Variants in CCDC85A observed in about 807,000 individuals in gnomAD.
The protein encoded by CCDC85A is coiled-coil domain-containing protein 85A.
A neutral mutation model predicts 50.2 loss-of-function variants in CCDC85A; 38 were observed. That is an observed-to-expected ratio of 0.76 (90% CI 0.58 to 0.99). CCDC85A has a LOEUF of 0.99. CCDC85A is among the 50% of genes least tolerant of loss of function. CCDC85A has a pLI of 0.00. For synonymous variants in CCDC85A, 366 were observed against 301.4 expected (o/e 1.21, Z -2.22); for missense variants, 820 against 742.0 (o/e 1.11, Z -1.22).
intron 2 of CCDC85A, among the ~76,000 whole-genome samples, chr2:56,327,802 A>G (rs979353429): frequency 8.3e-5 from 12 of 145,192 alleles, no homozygotes; most frequent in African/African-American, 3.1e-4. Flanking sequence ...AGAAATATTC[A>G]GTAATTACTG....
intron 2 of CCDC85A, among the ~76,000 whole-genome samples, chr2:56,301,977 C>T (rs770889960): frequency 2.0e-5 from 3 of 152,128 alleles, no homozygotes; most frequent in Non-Finnish European, 4.4e-5. Context: ...ATAAATAGGC[C>T]GGGCGTAGTG....
intron 2 of CCDC85A, among the ~76,000 whole-genome samples, chr2:56,209,186 TG>T (rs1240560488): frequency 3.3e-5 from 5 of 152,136 alleles, no homozygotes; most frequent in African/African-American, 1.2e-4. Flanking sequence ...CTAGTACAGA[TG>T]GCTATGGTAC....
At chr2:56,364,347 A>G (rs963363871) in intron 3 of CCDC85A, among the ~76,000 whole-genome samples, 1 of 152,128 alleles carries the variant, frequency 6.6e-6, no homozygotes, top group Non-Finnish European at 1.5e-5. Context: ...TTTTCTGGGA[A>G]CTATATTTCT....
intron 2 of CCDC85A, among the ~76,000 whole-genome samples, chr2:56,295,404 G>A (rs1483167884): frequency 1.3e-5 from 2 of 152,148 alleles, no homozygotes; most frequent in Non-Finnish European, 2.9e-5. Flanking sequence ...TCACAAATGG[G>A]CAGATTTTGC....
intron 2 of CCDC85A, among the ~76,000 whole-genome samples, chr2:56,307,848 G>T (rs1206735286): frequency 1.3e-5 from 2 of 152,206 alleles, no homozygotes; most frequent in African/African-American, 4.8e-5. Flanking sequence ...GTAACTCATA[G>T]ATAGGACTGA....
chr2:56,219,162 G>A (rs903493249), intron 2 of CCDC85A, among the ~76,000 whole-genome samples: 1 of 148,380 alleles, frequency 6.7e-6, no homozygotes, highest in Non-Finnish European at 1.5e-5. Context: ...TTTCCTGGGC[G>A]CCTTAAGCCC....
intron 2 of CCDC85A, among the ~76,000 whole-genome samples, chr2:56,298,502 G>A (rs1439998797): frequency 6.6e-6 from 1 of 152,130 alleles, no homozygotes; most frequent in East Asian, 1.9e-4. Flanking sequence ...TTCTGTTTCA[G>A]GGCTCAGCTA....
At chr2:56,344,543 C>G (rs1447857269) in intron 3 of CCDC85A, among the ~76,000 whole-genome samples, 5 of 152,210 alleles carry the variant, frequency 3.3e-5, no homozygotes, top group South Asian at 2.1e-4. Flanking sequence ...GTACTTCTAT[C>G]TCTTCTCAAA....
chr2:56,265,635 A>G (rs1670406887), intron 2 of CCDC85A, among the ~76,000 whole-genome samples: 1 of 152,168 alleles, frequency 6.6e-6, no homozygotes, highest in Admixed American at 6.5e-5. Flanking sequence ...TATCGAAAAG[A>G]TGAAAAATAA....
chr2:56,384,351 T>A lies in CCDC85A; in HGVS notation c.1658T>A (p.Met553Lys). 15 of 1,610,504 alleles carry A rather than the reference T, an allele frequency of 9.3e-6. No individual in the cohort carries two copies. Among genetic ancestry groups the A allele is most frequent in the Admixed American group, 1.7e-5 (1 of 59,744 alleles). Reference protein sequence around the residue: ...HLSGNQYKGPM With the variant: ...HLSGNQYKGPK Reference sequence around the variant, plus strand: ...TCAGGAAACCAGTACAAAGGACCAATGTGAGATGCACTCTTTTTCAAACAG... The same window carrying A: ...TCAGGAAACCAGTACAAAGGACCAAAGTGAGATGCACTCTTTTTCAAACAG... Residue 553 changes from methionine to lysine, a missense_variant, in exon 6 of 6, where the codon ATG (methionine) becomes AAG (lysine). Transcript: ENST00000407595.
chr2:56,289,042 C>G (rs562576540), intron 2 of CCDC85A, among the ~76,000 whole-genome samples: 1 of 152,080 alleles, frequency 6.6e-6, no homozygotes, highest in African/African-American at 2.4e-5. Context: ...GAGATAAGGA[C>G]CTGGAGTGCT....
intron 2 of CCDC85A, among the ~76,000 whole-genome samples, chr2:56,199,988 C>T (rs1676668355): frequency 6.6e-6 from 1 of 152,226 alleles, no homozygotes; most frequent in South Asian, 2.1e-4. Context: ...CCTGCCTCAG[C>T]TTCCTGAGTA....
At chr2:56,299,012 C>G (rs1195526625) in intron 2 of CCDC85A, among the ~76,000 whole-genome samples, 5 of 152,150 alleles carry the variant, frequency 3.3e-5, no homozygotes, top group Admixed American at 1.3e-4. Flanking sequence ...GGTAGCAAAT[C>G]TAGTCACCTT....
At chr2:56,336,839 T>A (rs1351939558) in intron 2 of CCDC85A, among the ~76,000 whole-genome samples, 3 of 152,128 alleles carry the variant, frequency 2.0e-5, no homozygotes, top group Admixed American at 2.0e-4. Flanking sequence ...TGAGGAAATA[T>A]CAAGTTACTG....
intron 2 of CCDC85A, among the ~76,000 whole-genome samples, chr2:56,294,291 G>T (rs2104159958): frequency 6.6e-6 from 1 of 152,276 alleles, no homozygotes; most frequent in African/African-American, 2.4e-5. Context: ...CTTTTGGGGG[G>T]TGGCAGGGGA....
intron 2 of CCDC85A, among the ~76,000 whole-genome samples, chr2:56,324,046 G>A (rs543307489): frequency 1.3e-5 from 2 of 152,260 alleles, no homozygotes; most frequent in South Asian, 2.1e-4. Flanking sequence ...GGGGCCATGG[G>A]CCTATTGCTT....
chr2:56,340,629 A>G (rs899773184), intron 2 of CCDC85A, among the ~76,000 whole-genome samples: 6 of 152,068 alleles, frequency 3.9e-5, no homozygotes, highest in African/African-American at 1.4e-4. Flanking sequence ...TAATCCCAGC[A>G]CTTTGGGAGG....
chr2:56,184,472 G>A lies in CCDC85A; in HGVS notation c.-153G>A. 1.2e-6 allele frequency: 1 copy of A among 865,972 alleles called. No homozygotes were observed. The highest frequency in any genetic ancestry group is 1.5e-6 in the Non-Finnish European group (1 of 660,492). The allele number at this position is 865,972 out of a possible 1,614,324, so 53.6% of individuals were successfully genotyped here. On this transcript the variant is annotated 5_prime_UTR_variant, in exon 1 of 6. Transcript: ENST00000407595. ...GCGAGGTAGGATGGCCACCCAGCGC[G>A]ACCCCCGCCGCCCCAACCCAGCGGC... is the stretch of plus-strand genomic sequence containing the variant.
intron 2 of CCDC85A, among the ~76,000 whole-genome samples, chr2:56,211,697 C>G (rs539318843): frequency 1.3e-5 from 2 of 152,134 alleles, no homozygotes; most frequent in Non-Finnish European, 2.9e-5. Context: ...ATCCATCATC[C>G]TAGAATGTCA....
Sources: gnomAD v4.1 joint callset for allele counts (sites outside exome capture counted in the v4.1 genomes callset) on GRCh38, gnomAD v4.1.1 for gene constraint, MANE v1.5 for transcripts, NCBI Gene and HGNC (gene_info 2026-07-23, HGNC 2026-07-21) for gene names.